TENM1: variants seen among roughly 807,000 people sequenced by gnomAD.
TENM1 encodes the protein teneurin transmembrane protein 1.
TENM1 carries 35 observed loss-of-function variants against 174.8 expected under a neutral mutation model. That is an observed-to-expected ratio of 0.20 (90% CI 0.15 to 0.27). The LOEUF is 0.27. Among genes scored for constraint, TENM1 ranks in the 10% least tolerant of loss-of-function variants. TENM1 has a pLI of 1.00. For missense variants in TENM1, 1,633 were observed against 2,130.1 expected (o/e 0.77, Z 4.59); for synonymous variants, 781 against 798.7 (o/e 0.98, Z 0.37).
intron 21 of TENM1, 88 bp downstream of exon 24, chrX:124,487,121 A>C: frequency 1.1e-6 from 1 of 925,317 alleles, no homozygotes; most frequent in East Asian, 3.4e-5. Flanking sequence ...CTTATTTAGG[A>C]AGAAAAATTT....
intron 22 of TENM1, among the ~76,000 whole-genome samples, chrX:124,470,833 CAG>C (rs2061291586): frequency 9.2e-6 from 1 of 109,141 alleles, no homozygotes; most frequent in Admixed American, 1.0e-4. Context: ...TCTATGAAAA[CAG>C]AGAGCTGAGT....
At chrX:124,981,874 T>A in the TENM1 span, among the ~76,000 whole-genome samples, 1 of 50,072 alleles carries the variant, frequency 2.0e-5, no homozygotes, top group Non-Finnish European at 3.4e-5. Flanking sequence ...CAAAAACAGG[T>A]GCAGCGCACC....
At chrX:125,108,768 A>ATG in the TENM1 span, among the ~76,000 whole-genome samples, 4 of 109,886 alleles carry the variant, frequency 3.6e-5, no homozygotes, top group African/African-American at 1.3e-4. Context: ...ATATACACAG[A>ATG]TGTGTATATA....
chrX:124,620,210 T>G (rs1186474372), intron 11 of TENM1, among the ~76,000 whole-genome samples: 1 of 111,961 alleles, frequency 8.9e-6, no homozygotes, highest in Non-Finnish European at 1.9e-5. Context: ...GCTTTTCAAG[T>G]ACTTGAAGAT....
intron 3 of TENM1, among the ~76,000 whole-genome samples, chrX:124,808,242 T>G (rs1043650069): frequency 1.8e-5 from 2 of 111,858 alleles, no homozygotes; most frequent in African/African-American, 6.5e-5. Context: ...AAGAAGATCA[T>G]TATATAAAGA....
chrX:124,582,672 AGACAGTGGGCGCAG>A (rs1281337139), intron 11 of TENM1, among the ~76,000 whole-genome samples: 6 of 111,897 alleles, frequency 5.4e-5, no homozygotes, highest in Middle Eastern at 4.2e-3. Context: ...AGGGAGTGCC[AGACAGTGGGCGCAG>A]GACAGTGGGT....
the TENM1 span, among the ~76,000 whole-genome samples, chrX:125,186,007 CT>C: frequency 6.3e-5 from 7 of 111,330 alleles, no homozygotes; most frequent in Non-Finnish European, 1.1e-4. Flanking sequence ...CATAGACTCT[CT>C]CAACTGAACA....
chrX:124,379,192 G>A (rs991397867), exon 32 of TENM1: 10 of 112,082 alleles, frequency 8.9e-5, no homozygotes, highest in Admixed American at 3.8e-4. Context: ...CAAATAACCC[G>A]TCCTGGAAAA....
intron 5 of TENM1, among the ~76,000 whole-genome samples, chrX:124,673,367 AG>A (rs1270825242): frequency 8.9e-6 from 1 of 111,999 alleles, no homozygotes; most frequent in East Asian, 2.8e-4. Flanking sequence ...GGCAACGCAG[AG>A]GCATTTCTAT....
the TENM1 span, among the ~76,000 whole-genome samples, chrX:125,088,203 C>T: frequency 9.0e-6 from 1 of 111,420 alleles, no homozygotes; most frequent in Non-Finnish European, 1.9e-5. Context: ...AAAAACAAGA[C>T]AAATTCCAAC....
At chrX:125,126,714 G>T in the TENM1 span, among the ~76,000 whole-genome samples, 1 of 110,860 alleles carries the variant, frequency 9.0e-6, no homozygotes, top group Non-Finnish European at 1.9e-5. Context: ...CTAATTCCCT[G>T]AAGTGCAGCC....
intron 3 of TENM1, among the ~76,000 whole-genome samples, chrX:124,814,496 A>G (rs1384872366): frequency 9.0e-6 from 1 of 110,549 alleles, no homozygotes; most frequent in African/African-American, 3.3e-5. Context: ...TCCTTAGATC[A>G]TATTTCTCCT....
chrX:125,179,316 G>A, the TENM1 span, among the ~76,000 whole-genome samples: 5 of 110,726 alleles, frequency 4.5e-5, no homozygotes, highest in Non-Finnish European at 9.4e-5. Context: ...CCTAGGATCT[G>A]ATCATAAATC....
At chrX:124,472,224 G>C (rs2061341561) in intron 22 of TENM1, among the ~76,000 whole-genome samples, 1 of 104,936 alleles carries the variant, frequency 9.5e-6, no homozygotes, top group South Asian at 4.3e-4. Flanking sequence ...CTCAGAGTTA[G>C]GCAGGGAGTC....
At chrX:124,430,228 G>A (rs888807461) in intron 23 of TENM1, among the ~76,000 whole-genome samples, 32 of 111,512 alleles carry the variant, frequency 2.9e-4, no homozygotes, top group Non-Finnish European at 4.0e-4. Flanking sequence ...TGGAGTCTGG[G>A]ACACTGCTTC....
chrX:124,523,336 T>G (rs910641515), intron 17 of TENM1, 28 bp downstream of exon 20: 1 of 1,200,164 alleles, frequency 8.3e-7, no homozygotes, highest in Non-Finnish European at 1.1e-6. Context: ...TATTATTATT[T>G]TATACATTCA....
the TENM1 span, among the ~76,000 whole-genome samples, chrX:124,972,168 G>A: frequency 9.2e-6 from 1 of 109,209 alleles, no homozygotes; most frequent in Non-Finnish European, 1.9e-5. Flanking sequence ...GGGAGGCATA[G>A]GTTGCAGTGA....
chrX:125,148,285 T>C, the TENM1 span, among the ~76,000 whole-genome samples: 1 of 110,782 alleles, frequency 9.0e-6, no homozygotes, highest in Non-Finnish European at 1.9e-5. Flanking sequence ...TCTCAATTTT[T>C]CTCCCTTTCT....
the TENM1 span, among the ~76,000 whole-genome samples, chrX:125,066,742 A>G: frequency 8.9e-6 from 1 of 112,282 alleles, no homozygotes; most frequent in Non-Finnish European, 1.9e-5. Flanking sequence ...GAATCAAACT[A>G]AATGAAATAT....
Sources: gnomAD v4.1 joint callset for allele counts (sites outside exome capture counted in the v4.1 genomes callset) on GRCh38, gnomAD v4.1.1 for gene constraint, MANE v1.5 for transcripts, NCBI Gene and HGNC (gene_info 2026-07-23, HGNC 2026-07-21) for gene names.